MCF2: variants seen among roughly 807,000 people sequenced by gnomAD.
The protein encoded by MCF2 is proto-oncogene DBL.
In MCF2, 44 loss-of-function variants were observed where a neutral mutation model predicts 82.5. The observed-to-expected ratio is 0.53, with a 90% CI of 0.42 to 0.69. The LOEUF is 0.69. MCF2 is among the 30% of genes least tolerant of loss of function. The pLI, the probability that MCF2 is intolerant of heterozygous loss-of-function variation, is 0.00. For synonymous variants in MCF2, 217 were observed against 224.9 expected (o/e 0.96, Z 0.32); for missense variants, 623 against 663.1 (o/e 0.94, Z 0.66).
chrX:139,621,587 C>T (rs997495192), intron 6 of MCF2, among the ~76,000 whole-genome samples: 17 of 111,557 alleles, frequency 1.5e-4, no homozygotes, highest in Non-Finnish European at 1.9e-4. Flanking sequence ...TATCTACAAC[C>T]ATCTGATCTT....
At chrX:139,587,879 A>G in intron 21 of MCF2, 91 bp from the exon 26 acceptor site, 2 of 499,988 alleles carry the variant, frequency 4.0e-6, no homozygotes, top group South Asian at 6.6e-5. Context: ...ACACACACAC[A>G]CACACACACA....
chrX:139,619,467 C>CA (rs971049007), intron 7 of MCF2, 120 bp downstream of exon 10: 3 of 484,560 alleles, frequency 6.2e-6, no homozygotes, highest in Non-Finnish European at 9.0e-6. Context: ...ACCTATACCC[C>CA]AGTAACTTAT....
At chrX:139,640,324 A>G (rs1308490619) in intron 1 of MCF2, among the ~76,000 whole-genome samples, 1 of 111,387 alleles carries the variant, frequency 9.0e-6, no homozygotes, top group East Asian at 2.8e-4. Context: ...ATATGTTGGG[A>G]AAAAAATCTC....
At chrX:139,628,702 A>AT (rs201508049) in intron 4 of MCF2, among the ~76,000 whole-genome samples, 242 of 112,323 alleles carry the variant, frequency 2.2e-3, no homozygotes, top group African/African-American at 7.6e-3. Context: ...TCTAATGCAC[A>AT]CAGTATGTCT....
intron 1 of MCF2, among the ~76,000 whole-genome samples, chrX:139,670,626 T>C (rs1417079793): frequency 9.0e-6 from 1 of 111,572 alleles, no homozygotes; most frequent in Non-Finnish European, 1.9e-5. Context: ...TCCATGTCCC[T>C]GCACAGGACA....
At chrX:139,651,878 A>G in intron 1 of MCF2, 90 bp from the exon 2 acceptor site, 1 of 546,867 alleles carries the variant, frequency 1.8e-6, no homozygotes. Flanking sequence ...TGTGTCTAAA[A>G]TTATTCTGGG....
intron 2 of MCF2, among the ~76,000 whole-genome samples, chrX:139,650,233 A>T (rs1429646773): frequency 9.0e-6 from 1 of 111,697 alleles, no homozygotes; most frequent in East Asian, 2.8e-4. Flanking sequence ...ACACTCCTAT[A>T]GTTCCAGTGA....
chrX:139,594,457 C>G (rs1477029562), intron 19 of MCF2, among the ~76,000 whole-genome samples: 1,204 of 109,330 alleles, frequency 0.011, 15 homozygotes, highest in African/African-American at 0.038. Flanking sequence ...ACAAACCTGA[C>G]AAAAACAAGC....
chrX:139,669,715 A>G (rs1442280867), intron 1 of MCF2, among the ~76,000 whole-genome samples: 1 of 112,464 alleles, frequency 8.9e-6, no homozygotes, highest in African/African-American at 3.2e-5. Context: ...ATTTGGCAAT[A>G]AAAAGAAACG....
intron 16 of MCF2, among the ~76,000 whole-genome samples, chrX:139,600,207 G>A (rs928133904): frequency 9.0e-6 from 1 of 111,276 alleles, no homozygotes; most frequent in East Asian, 2.8e-4. Flanking sequence ...TCTTTTTAGT[G>A]ATAAAAACAT....
chrX:139,610,061 C>T (rs771674454), intron 11 of MCF2, among the ~76,000 whole-genome samples: 1 of 112,193 alleles, frequency 8.9e-6, no homozygotes, highest in South Asian at 3.7e-4. Context: ...ACAAGATGTT[C>T]TACAGAAATG....
At chrX:139,612,824 G>A (rs1931600689) in intron 10 of MCF2, among the ~76,000 whole-genome samples, 1 of 111,655 alleles carries the variant, frequency 9.0e-6, no homozygotes, top group South Asian at 3.7e-4. Context: ...TATTTATTAA[G>A]CTGCCTTCAT....
intron 10 of MCF2, among the ~76,000 whole-genome samples, 155 bp downstream of exon 13, chrX:139,614,726 T>G (rs1214651967): frequency 2.7e-5 from 3 of 111,624 alleles, no homozygotes; most frequent in African/African-American, 9.7e-5. Flanking sequence ...ATAACCTCAA[T>G]CTGACTCTTG....
intron 1 of MCF2, among the ~76,000 whole-genome samples, chrX:139,688,908 C>T (rs1307028889): frequency 9.0e-6 from 1 of 111,536 alleles, no homozygotes; most frequent in Admixed American, 9.5e-5. Flanking sequence ...CAGACCCATT[C>T]GTCAGCTCTA....
intron 1 of MCF2, among the ~76,000 whole-genome samples, chrX:139,683,733 A>G (rs1935057461): frequency 8.9e-6 from 1 of 111,928 alleles, no homozygotes; most frequent in Non-Finnish European, 1.9e-5. Flanking sequence ...CGGGGAAAGG[A>G]TATTCTTTTT....
At chrX:139,695,639 G>A (rs1245170482) in intron 1 of MCF2, among the ~76,000 whole-genome samples, 3 of 111,840 alleles carry the variant, frequency 2.7e-5, no homozygotes, top group Non-Finnish European at 5.6e-5. Context: ...TAATTATGCA[G>A]TCATTGAAAA....
chrX:139,602,448 T>C, exon 16 of MCF2: 2 of 1,205,654 alleles, frequency 1.7e-6, no homozygotes, highest in African/African-American at 3.5e-5. Context: ...AAATTGTTTC[T>C]GATCTGGGCT....
chrX:139,645,668 A>T (rs1414454612), upstream of MCF2: 1 of 1,028,299 alleles, frequency 9.7e-7, no homozygotes. Flanking sequence ...CCTGAACGAT[A>T]AGAAGAAATA....
chrX:139,635,654 C>T (rs1465166234), intron 1 of MCF2, among the ~76,000 whole-genome samples: 4 of 103,399 alleles, frequency 3.9e-5, no homozygotes, highest in African/African-American at 7.0e-5. Context: ...GAGACTCTGC[C>T]GAAAAAAAAT....
Sources: gnomAD v4.1 joint callset for allele counts (sites outside exome capture counted in the v4.1 genomes callset) on GRCh38, gnomAD v4.1.1 for gene constraint, MANE v1.5 for transcripts, NCBI Gene and HGNC (gene_info 2026-07-23, HGNC 2026-07-21) for gene names.